The following GALNT1 variants were observed in gnomAD, a reference collection of about 807,000 sequenced individuals.
GALNT1 encodes the protein polypeptide N-acetylgalactosaminyltransferase 1.
Under a neutral mutation model 65.7 loss-of-function variants are expected in GALNT1, and 17 were observed. The observed-to-expected ratio is 0.26, with a 90% CI of 0.18 to 0.39. The LOEUF is 0.39. GALNT1 is among the 10% of genes least tolerant of loss of function. The pLI is 1.00. For missense variants in GALNT1, 460 were observed against 672.8 expected (o/e 0.68, Z 3.50); for synonymous variants, 210 against 219.7 (o/e 0.96, Z 0.39).
At position 35,583,328 on chromosome 18, in the gene GALNT1, A is replaced by G. The variant is rs113210263; in HGVS notation, c.-104+1466A>G. ...TTATTTGTGTGCACTTTGAAACCTG[A>G]GAAGCCTTTGTTCAGCGTGCTGGTG... On this transcript the variant is annotated intron_variant, in intron 1 of 11. Transcript: ENST00000269195. Among the ~76,000 whole-genome samples the G allele has an allele frequency of 6.4e-3, 972 of 152,336 alleles. 18 individuals are homozygous for G. The highest frequency in any genetic ancestry group is 0.022 in the African/African-American group (922 of 41,576).
chr18:35,585,170 C>A (rs866973535), intron 1 of GALNT1, among the ~76,000 whole-genome samples: 1 of 152,168 alleles, frequency 6.6e-6, no homozygotes, highest in South Asian at 2.1e-4. Flanking sequence ...CTTTTGGGGA[C>A]CCTTCAGAGT....
intron 1 of GALNT1, among the ~76,000 whole-genome samples, chr18:35,592,129 G>A (rs1396984521): frequency 6.6e-6 from 1 of 152,080 alleles, no homozygotes; most frequent in East Asian, 1.9e-4. Flanking sequence ...GGTAGAAAGG[G>A]CTGAGGAATA....
chr18:35,708,952 C>T (rs1421460274), intron 11 of GALNT1, among the ~76,000 whole-genome samples: 3 of 152,156 alleles, frequency 2.0e-5, no homozygotes, highest in East Asian at 3.8e-4. Context: ...TCAAGTTACC[C>T]AGGCTGTGAA....
chr18:35,624,595 T>TA (rs1478318982), intron 1 of GALNT1, among the ~76,000 whole-genome samples: 1 of 152,224 alleles, frequency 6.6e-6, no homozygotes, highest in Non-Finnish European at 1.5e-5. Flanking sequence ...TTGTGCTGTC[T>TA]ATAGGTGTGG....
Position 35,630,623 on chromosome 18 carries a change from G to T in GALNT1, c.-103-23937G>T, listed in dbSNP as rs568392488. Among the ~76,000 whole-genome samples the T allele has an allele frequency of 4.3e-3, 656 of 152,018 alleles. 2 individuals are homozygous for T. The highest frequency in any genetic ancestry group is 7.5e-3 in the Admixed American group (114 of 15,252). The stretch of plus-strand genomic sequence containing the variant: ...GCAGGAAAGATCCAAAATTGACACC[G>T]TAACATCACAATTAAAAGAACTAGA... On this transcript the variant is annotated intron_variant, in intron 1 of 11. Coordinates refer to ENST00000269195, the MANE Select transcript of GALNT1 (RefSeq NM_020474.4).
chr18:35,632,884 A>G (rs1356828218), intron 1 of GALNT1, among the ~76,000 whole-genome samples: 4 of 152,244 alleles, frequency 2.6e-5, no homozygotes, highest in African/African-American at 7.2e-5. Flanking sequence ...CAAGTGGGCG[A>G]AGGATATGAA....
At chr18:35,661,949 C>G (rs1472097857) in intron 2 of GALNT1, among the ~76,000 whole-genome samples, 1 of 152,138 alleles carries the variant, frequency 6.6e-6, no homozygotes, top group African/African-American at 2.4e-5. Context: ...TGTCTCCCAC[C>G]TACTCTTTAT....
At chr18:35,687,875 C>T (rs2047892962) in intron 6 of GALNT1, among the ~76,000 whole-genome samples, 1 of 152,070 alleles carries the variant, frequency 6.6e-6, no homozygotes, top group Admixed American at 6.6e-5. Context: ...CCTTCAGAAC[C>T]AGGCTTCAGC....
At chr18:35,622,512 A>G (rs560043260) in intron 1 of GALNT1, among the ~76,000 whole-genome samples, 2 of 152,292 alleles carry the variant, frequency 1.3e-5, no homozygotes, top group African/African-American at 4.8e-5. Context: ...CTCAGCCTCC[A>G]AAGTGTTAGG....
intron 1 of GALNT1, among the ~76,000 whole-genome samples, chr18:35,602,112 C>A (rs1389853896): frequency 6.6e-6 from 1 of 152,120 alleles, no homozygotes; most frequent in Non-Finnish European, 1.5e-5. Context: ...TTGATCTCTC[C>A]ATGTCTGGAG....
chr18:35,627,485 G>T (rs1263277163), intron 1 of GALNT1: 6 of 152,168 alleles, frequency 3.9e-5, no homozygotes, highest in Admixed American at 3.9e-4. Flanking sequence ...ACCACTTTGG[G>T]TAAGTTGATA....
chr18:35,689,444 A>G (rs922783265), intron 7 of GALNT1, among the ~76,000 whole-genome samples, 154 bp downstream of exon 7: 3 of 152,222 alleles, frequency 2.0e-5, no homozygotes, highest in Non-Finnish European at 4.4e-5. Context: ...GACTGATAGT[A>G]AGGGTTCATT....
chr18:35,593,702 C>T (rs531350427), intron 1 of GALNT1, among the ~76,000 whole-genome samples: 5 of 151,814 alleles, frequency 3.3e-5, no homozygotes, highest in Non-Finnish European at 7.4e-5. Flanking sequence ...ACCAGAGAAG[C>T]TAGAATACAA....
chr18:35,634,383 TCCCAAGA>T lies in GALNT1; in HGVS notation c.-103-20172_-103-20166del, dbSNP rs557556877. On this transcript the variant is annotated intron_variant, in intron 1 of 11. Coordinates refer to ENST00000269195, the MANE Select transcript of GALNT1 (RefSeq NM_020474.4). ...CTTAATATGCTGATTGTGTGGGGGT[TCCCAAGA>T]CCCACCCGTAGGTTCAGTGATTGGC... Among the ~76,000 whole-genome samples, 142 of 152,248 alleles carry T rather than the reference TCCCAAGA, an allele frequency of 9.3e-4. 1 individual carries two copies. The highest frequency in any genetic ancestry group is 3.1e-3 in the African/African-American group (130 of 41,548).
At chr18:35,665,095 C>G (rs1398267275) in intron 3 of GALNT1, among the ~76,000 whole-genome samples, 1 of 152,160 alleles carries the variant, frequency 6.6e-6, no homozygotes, top group Non-Finnish European at 1.5e-5. Context: ...GCCTCTTGGT[C>G]TTCCATTCTT....
chr18:35,679,136 A>C (rs180711789), intron 4 of GALNT1, among the ~76,000 whole-genome samples: 6 of 152,332 alleles, frequency 3.9e-5, no homozygotes, highest in Admixed American at 1.3e-4. Flanking sequence ...TATAAACCTT[A>C]TGTGGATAAT....
In GALNT1 at chr18:35,623,783, G is replaced by T. The variant is rs139221658; in HGVS notation, c.-103-30777G>T. Among the ~76,000 whole-genome samples the T allele has an allele frequency of 2.1e-3, 319 of 152,104 alleles. 1 individual carries two copies. The highest frequency in any genetic ancestry group is 3.7e-3 in the Non-Finnish European group (249 of 67,974). On this transcript the variant is annotated intron_variant, in intron 1 of 11. Transcript: ENST00000269195. ...TCTTTTTTAAAGTTTTAATTTGTTT[G>T]ATAAGAGTTTCCTCTGTTCAGTTAT... is the stretch of plus-strand genomic sequence containing the variant.
At chr18:35,586,897 A>C (rs2046383968) in intron 1 of GALNT1, among the ~76,000 whole-genome samples, 1 of 152,190 alleles carries the variant, frequency 6.6e-6, no homozygotes, top group African/African-American at 2.4e-5. Context: ...TACAAATTGC[A>C]GTAGACCTGT....
intron 3 of GALNT1, among the ~76,000 whole-genome samples, chr18:35,671,394 G>A (rs577408537): frequency 3.5e-4 from 53 of 152,100 alleles, no homozygotes; most frequent in Non-Finnish European, 6.5e-4. Flanking sequence ...TTTTTTAAAC[G>A]TTTTGTAGAG....
Sources: allele counts gnomAD v4.1 joint callset (sites outside exome capture counted in the v4.1 genomes callset), GRCh38; gene constraint gnomAD v4.1.1; transcripts MANE v1.5; gene names NCBI Gene and HGNC (gene_info 2026-07-23, HGNC 2026-07-21).